Variants in WDR64 observed in about 807,000 individuals in gnomAD.
The protein encoded by WDR64 is WD repeat domain 64.
A neutral mutation model predicts 139.3 loss-of-function variants in WDR64; 112 were observed. That is an observed-to-expected ratio of 0.80 (90% CI 0.69 to 0.94). The LOEUF is 0.94. Ranked by LOEUF, WDR64 falls within the 40% of genes least tolerant of loss-of-function variation. WDR64 has a pLI of 0.00. For missense variants in WDR64, 1,206 were observed against 1,293.1 expected (o/e 0.93, Z 1.03); for synonymous variants, 444 against 437.7 (o/e 1.01, Z -0.18).
At chr1:241,758,317 T>TC (rs921465135) in intron 15 of WDR64, among the ~76,000 whole-genome samples, 2 of 151,350 alleles carry the variant, frequency 1.3e-5, no homozygotes, top group East Asian at 1.9e-4. Flanking sequence ...CAGTTGTCTT[T>TC]TTTTTTTTTG....
At chr1:241,748,393 G>A (rs1669845048) in intron 13 of WDR64, among the ~76,000 whole-genome samples, 2 of 152,178 alleles carry the variant, frequency 1.3e-5, no homozygotes, top group South Asian at 4.1e-4. Flanking sequence ...TCTGGCAAGG[G>A]CCCGCCTCCT....
intron 10 of WDR64, among the ~76,000 whole-genome samples, chr1:241,725,507 C>A (rs1668784393): frequency 1.3e-5 from 2 of 152,034 alleles, no homozygotes; most frequent in African/African-American, 4.8e-5. Flanking sequence ...TCTCCAAGGC[C>A]CAGTCGTTCC....
At chr1:241,755,980 C>T (rs1670174773) in intron 14 of WDR64, among the ~76,000 whole-genome samples, 1 of 151,936 alleles carries the variant, frequency 6.6e-6, no homozygotes, top group Non-Finnish European at 1.5e-5. Context: ...TAGTATAGTT[C>T]AAAGTCAGGG....
rs992349636 is a variant in WDR64 at position 241,660,635 on chromosome 1, C to T, written c.251C>T (p.Thr84Met). 48 of 1,551,298 alleles carry T rather than the reference C, an allele frequency of 3.1e-5. No homozygotes were observed. Among genetic ancestry groups the T allele is most frequent in the Admixed American group, 5.9e-5 (3 of 50,982 alleles). The part of the protein sequence containing the change: ...KRFYRKLCNN[T>M]DASADWCEIF... ...TTTTACAGGAAACTGTGCAACAACA[C>T]GGATGCATCTGCAGACTGGTGTGAG... Residue 84 changes from threonine to methionine, a missense_variant, in exon 2 of 28, where the codon ACG becomes ATG. Transcript: ENST00000437684.
At chr1:241,666,953 C>T (rs889062653) in intron 2 of WDR64, among the ~76,000 whole-genome samples, 11 of 152,168 alleles carry the variant, frequency 7.2e-5, no homozygotes, top group African/African-American at 2.4e-4. Flanking sequence ...ATGACCAATT[C>T]CTGAAGCACT....
intron 25 of WDR64, among the ~76,000 whole-genome samples, chr1:241,793,397 A>G (rs764264171): frequency 6.6e-6 from 1 of 152,168 alleles, no homozygotes; most frequent in Non-Finnish European, 1.5e-5. Context: ...CTGAATGTTC[A>G]GTATGTCATT....
chr1:241,729,726 G>A (rs1219226390), intron 10 of WDR64, among the ~76,000 whole-genome samples: 1 of 152,108 alleles, frequency 6.6e-6, no homozygotes, highest in East Asian at 1.9e-4. Flanking sequence ...AATAAACCTG[G>A]AGATAGAAAA....
intron 1 of WDR64, 38 bp from the exon 2 acceptor site, chr1:241,660,492 G>A (rs754844971): frequency 6.5e-6 from 10 of 1,539,038 alleles, no homozygotes; most frequent in African/African-American, 1.4e-5. Flanking sequence ...GTAGTCCTTG[G>A]AATTTGATGA....
At chr1:241,692,207 G>T (rs1667329505) in intron 8 of WDR64, among the ~76,000 whole-genome samples, 1 of 152,108 alleles carries the variant, frequency 6.6e-6, no homozygotes, top group Non-Finnish European at 1.5e-5. Context: ...ACTCACTATT[G>T]TCAAGATACC....
chr1:241,722,029 G>C (rs1668631259), intron 9 of WDR64, among the ~76,000 whole-genome samples: 1 of 151,004 alleles, frequency 6.6e-6, no homozygotes, highest in Non-Finnish European at 1.5e-5. Flanking sequence ...ATAAAACTGT[G>C]TGTGTGTGTG....
At position 241,731,326 on chromosome 1, in the gene WDR64, T is replaced by C. The variant is rs1040519400; in HGVS notation, c.1195-7037T>C. On this transcript the variant is annotated intron_variant, in intron 10 of 27. Coordinates refer to ENST00000437684, the MANE Select transcript of WDR64 (RefSeq NM_001367482.1). Reference sequence around the variant, plus strand: ...GAGTTCAAGACCAACCTGGGCAACATAGAGATACCTCGTCTCTTAAAAAAA... The same window carrying C: ...GAGTTCAAGACCAACCTGGGCAACACAGAGATACCTCGTCTCTTAAAAAAA... Among the ~76,000 whole-genome samples, 7 of 150,152 alleles carry C rather than the reference T, an allele frequency of 4.7e-5. No individual in the cohort carries two copies. In the South Asian group the frequency reaches 8.4e-4, roughly 18 times the overall value.
intron 8 of WDR64, 33 bp downstream of exon 8, chr1:241,687,628 T>G: frequency 6.4e-7 from 1 of 1,567,014 alleles, no homozygotes; most frequent in Non-Finnish European, 8.6e-7. Context: ...ATGAACAGTC[T>G]GTGAATTTCA....
chr1:241,707,561 G>C (rs1253203133), intron 8 of WDR64, among the ~76,000 whole-genome samples: 1 of 152,298 alleles, frequency 6.6e-6, no homozygotes, highest in East Asian at 1.9e-4. Context: ...CCACCAGCCT[G>C]TTCTGATTTT....
intron 9 of WDR64, 117 bp downstream of exon 9, chr1:241,711,998 C>T: frequency 1.0e-6 from 1 of 982,392 alleles, no homozygotes; most frequent in Admixed American, 2.3e-5. Context: ...CAAGTCAAAT[C>T]TGTTTGTCTT....
chr1:241,712,521 T>G (rs1297900121), intron 9 of WDR64, among the ~76,000 whole-genome samples: 5 of 152,202 alleles, frequency 3.3e-5, no homozygotes, highest in African/African-American at 1.2e-4. Flanking sequence ...GGTTTTAATA[T>G]CCATAGGATG....
At position 241,681,383 on chromosome 1, in the gene WDR64, A is replaced by G. The variant is rs191007727; in HGVS notation, c.624+1788A>G. 2.2e-3 allele frequency among the ~76,000 whole-genome samples: 334 copies of G among 152,234 alleles called. 1 individual carries two copies. The highest frequency in any genetic ancestry group is 4.0e-3 in the Non-Finnish European group (271 of 68,014). On this transcript the variant is annotated intron_variant, in intron 6 of 27. Coordinates refer to ENST00000437684, the MANE Select transcript of WDR64 (RefSeq NM_001367482.1). Reference sequence around the variant, plus strand: ...GAGAATATATGATGTTTGGTTTTCCATTCCTGAGTTACTTCACTTACAATA... The same window carrying G: ...GAGAATATATGATGTTTGGTTTTCCGTTCCTGAGTTACTTCACTTACAATA...
intron 27 of WDR64, among the ~76,000 whole-genome samples, chr1:241,800,576 G>A (rs2148338077): frequency 6.6e-6 from 1 of 152,246 alleles, no homozygotes; most frequent in East Asian, 1.9e-4. Context: ...GAGCCCAGGA[G>A]GTTGAGGCTG....
At chr1:241,689,134 G>A (rs1211253007) in intron 8 of WDR64, among the ~76,000 whole-genome samples, 1 of 152,018 alleles carries the variant, frequency 6.6e-6, no homozygotes, top group Non-Finnish European at 1.5e-5. Context: ...AGACACACAG[G>A]CTCATCAAAA....
chr1:241,721,248 T>C lies in WDR64; in HGVS notation c.1055-2049T>C, dbSNP rs2148195641. ...TAGTGTGATGCCGTCAGCTTCGTTC[T>C]TTTTGCTTAGGACTGTCTTTGCTGT... On this transcript the variant is annotated intron_variant, in intron 9 of 27. Coordinates refer to ENST00000437684, the MANE Select transcript of WDR64 (RefSeq NM_001367482.1). Among the ~76,000 whole-genome samples, 3 of 152,350 alleles carry C rather than the reference T, an allele frequency of 2.0e-5. No homozygotes were observed. In the East Asian group the frequency reaches 5.8e-4, roughly 29 times the overall value.
Sources: allele counts gnomAD v4.1 joint callset (sites outside exome capture counted in the v4.1 genomes callset), GRCh38; gene constraint gnomAD v4.1.1; transcripts MANE v1.5; gene names NCBI Gene and HGNC (gene_info 2026-07-23, HGNC 2026-07-21).